The following ATXN2L variants were observed in gnomAD, a reference collection of about 807,000 sequenced individuals.
The protein encoded by ATXN2L is ataxin-2-like protein.
ATXN2L carries 24 observed loss-of-function variants against 120.7 expected under a neutral mutation model. The ratio of observed to expected loss-of-function variants is 0.20; its 90% CI spans 0.14 to 0.28. The LOEUF (loss-of-function observed/expected upper bound fraction) is 0.28, where lower values mean the gene tolerates loss of function less well. ATXN2L is among the 10% of genes least tolerant of loss of function. ATXN2L has a pLI of 1.00. For synonymous variants in ATXN2L, 653 were observed against 568.1 expected, an observed-to-expected ratio of 1.15 and a Z score of -2.13; for missense variants, 1,312 against 1,432.3, an observed-to-expected ratio of 0.92 and a Z score of 1.36.
rs1470894642 is a variant in ATXN2L at position 28,836,623 on chromosome 16, C to A, written c.*358C>A. The A allele has an allele frequency of 1.9e-6, 3 of 1,602,248 alleles. No homozygotes were observed. Among genetic ancestry groups the A allele is most frequent in the African/African-American group, 1.3e-5 (1 of 74,634 alleles). The stretch of plus-strand genomic sequence containing the variant: ...CCCCCGAGACACCTTGAGGAGGCCG[C>A]TCCTTCCCAGACACACCCCCACGCC... On this transcript the variant is annotated 3_prime_UTR_variant, in exon 22 of 22. Transcript: ENST00000336783.
In ATXN2L at chr16:28,823,566, G is replaced by A. The variant is rs867159676; in HGVS notation, c.299+8G>A. 8 of 1,333,960 alleles carry A rather than the reference G, an allele frequency of 6.0e-6. No individual in the cohort carries two copies. Among genetic ancestry groups the A allele is most frequent in the African/African-American group, 4.6e-5 (3 of 64,948 alleles). The allele number at this position is 1,333,960 out of a possible 1,614,324, so 82.6% of individuals were successfully genotyped here. The stretch of plus-strand genomic sequence containing the variant: ...CGCCATCGGCAGCGCCAGGTGAGAA[G>A]GGTGGGCTCCGGGCGAGGGAGCCGC... On this transcript the variant is annotated splice_region_variant and intron_variant, in intron 1 of 21. Coordinates refer to ENST00000336783, the MANE Select transcript of ATXN2L (RefSeq NM_007245.4).
chr16:28,829,216 TG>T (rs1179239363), intron 6 of ATXN2L, among the ~76,000 whole-genome samples, 184 bp from the exon 7 acceptor site: 1 of 152,184 alleles, frequency 6.6e-6, no homozygotes, highest in Non-Finnish European at 1.5e-5. Flanking sequence ...TTGCCCAGTC[TG>T]GCCTTAAACT....
intron 4 of ATXN2L, 47 bp from the exon 5 acceptor site, chr16:28,826,193 C>G (rs748066867): frequency 6.2e-7 from 1 of 1,601,474 alleles, no homozygotes. Context: ...TTTGCCTTCA[C>G]TTTTCTTGAA....
intron 8 of ATXN2L, among the ~76,000 whole-genome samples, 157 bp downstream of exon 8, chr16:28,830,215 C>T (rs892295009): frequency 6.6e-6 from 1 of 151,904 alleles, no homozygotes; most frequent in African/African-American, 2.4e-5. Flanking sequence ...ATGTAATTTG[C>T]CTAAAGTAAC....
intron 13 of ATXN2L, 45 bp from the exon 14 acceptor site, chr16:28,833,014 C>G (rs771334138): frequency 6.2e-7 from 1 of 1,600,614 alleles, no homozygotes; most frequent in Non-Finnish European, 8.5e-7. Flanking sequence ...AAAGCCAGGA[C>G]TAGGGTCTGG....
At chr16:28,823,793 A>C in intron 1 of ATXN2L, 2 of 410,378 alleles carry the variant, frequency 4.9e-6, no homozygotes, top group East Asian at 7.7e-5. Flanking sequence ...CAGGGCTCGC[A>C]GCCCCGGCCT....
chr16:28,826,399 C>T lies in ATXN2L; in HGVS notation c.616+9C>T. ...CAACTATGCTACTAAAGGTATTGTC[C>T]TAGGCTGTTACCTCAGACCTGCTCT... On this transcript the variant is annotated intron_variant, in intron 5 of 21. Transcript: ENST00000336783. 1.2e-6 allele frequency: 2 copies of T among 1,613,794 alleles called. No individual in the cohort carries two copies. Among genetic ancestry groups the T allele is most frequent in the Non-Finnish European group, 1.7e-6 (2 of 1,179,812 alleles).
In ATXN2L at chr16:28,834,526, T is replaced by A. The variant is rs1044510578; in HGVS notation, c.2266T>A (p.Ser756Thr). Reference protein sequence around the residue: ...GAKGSLPPQRSDQHQPASAPP... With the variant: ...GAKGSLPPQRTDQHQPASAPP... ...TCCAGGCTCCCTTCCTCCGCAGCGC[T>A]CGGACCAACACCAGCCAGCCTCAGC... The change falls in exon 18 of 22, where the codon TCG becomes ACG. Residue 756 changes from serine to threonine, a missense_variant. Transcript: ENST00000336783. 1 of 1,610,756 alleles carries A rather than the reference T, an allele frequency of 6.2e-7. No individual in the cohort carries two copies. The highest frequency in any genetic ancestry group is 8.5e-7 in the Non-Finnish European group (1 of 1,179,592).
intron 21 of ATXN2L, 22 bp from the exon 22 acceptor site, chr16:28,835,911 G>C (rs1359780429): frequency 1.3e-6 from 2 of 1,549,028 alleles, no homozygotes; most frequent in Admixed American, 3.8e-5. Flanking sequence ...GGTCTTCCCG[G>C]CTACTTTTTT....
intron 1 of ATXN2L, among the ~76,000 whole-genome samples, chr16:28,824,896 A>G (rs981081919): frequency 6.6e-6 from 1 of 152,018 alleles, no homozygotes; most frequent in Non-Finnish European, 1.5e-5. Flanking sequence ...TTCTTCCTCT[A>G]CAAGGTGACA....
rs775964657 is a variant in ATXN2L at position 28,829,424 on chromosome 16, A to C, written c.765A>C (p.Glu255Asp). The C allele has an allele frequency of 6.2e-7, 1 of 1,613,370 alleles. No homozygotes were observed. The highest frequency in any genetic ancestry group is 8.5e-7 in the Non-Finnish European group (1 of 1,179,374). Residue 255 changes from glutamate to aspartate, a missense_variant, in exon 7 of 22, where the codon GAA (glutamate) becomes GAC (aspartate). Coordinates refer to ENST00000336783, the MANE Select transcript of ATXN2L (RefSeq NM_007245.4). ...AGTCCAATGGATGGGACCCCAATGA[A>C]ATGTTCAAGTTCAATGAGGAGAACT... The part of the protein sequence containing the change: ...SDMSNGWDPN[E>D]MFKFNEENYG...
intron 4 of ATXN2L, 29 bp downstream of exon 4, chr16:28,825,870 G>A (rs1369142336): frequency 1.3e-6 from 2 of 1,591,126 alleles, no homozygotes; most frequent in Non-Finnish European, 8.6e-7. Context: ...AATTATTTTT[G>A]GAGTTGCAGA....
In ATXN2L at chr16:28,834,897, A is replaced by G. The variant is rs1174850960; in HGVS notation, c.2434-161A>G. 3.4e-6 allele frequency: 4 copies of G among 1,174,508 alleles called. No homozygotes were observed. The East Asian group carries it at 1.0e-4, about 30-fold the overall frequency. 72.8% of individuals were successfully genotyped at this position (1,174,508 alleles called of 1,614,324 possible). Reference sequence around the variant, plus strand: ...AGGCATTGGACATCTGTATCTCTGAAGTGTAGAGAAAATAGTGTCTGCTGG... The same window carrying G: ...AGGCATTGGACATCTGTATCTCTGAGGTGTAGAGAAAATAGTGTCTGCTGG... On this transcript the variant is annotated intron_variant, in intron 18 of 21. Transcript: ENST00000336783.
At chr16:28,826,420 G>T (rs755634610) in intron 5 of ATXN2L, 30 bp downstream of exon 5, 9 of 1,609,288 alleles carry the variant, frequency 5.6e-6, no homozygotes, top group Non-Finnish European at 7.7e-6. Flanking sequence ...CCTCAGACCT[G>T]CTCTGTGTGC....
rs1258401114 is a variant in ATXN2L at position 28,836,734 on chromosome 16, C to A, written c.*469C>A. ...CTCTTTCCCCTCCAACCAGTTCAATCTCATCCCTCCCAGCAGCTCCCCTTC... is the reference window on the plus strand; with the variant it reads ...CTCTTTCCCCTCCAACCAGTTCAATATCATCCCTCCCAGCAGCTCCCCTTC... On this transcript the variant is annotated 3_prime_UTR_variant, in exon 22 of 22. Coordinates refer to ENST00000336783, the MANE Select transcript of ATXN2L (RefSeq NM_007245.4). 2 of 1,613,924 alleles carry A rather than the reference C, an allele frequency of 1.2e-6. No homozygotes were observed. The highest frequency in any genetic ancestry group is 3.3e-5 in the Admixed American group (2 of 59,978).
intron 1 of ATXN2L, chr16:28,824,488 G>A (rs992023480): frequency 7.8e-7 from 1 of 1,288,140 alleles, no homozygotes; most frequent in African/African-American, 1.5e-5. Context: ...CTCAACCGCC[G>A]GTTACATCAG....
intron 9 of ATXN2L, 72 bp from the exon 10 acceptor site, chr16:28,830,890 A>T: frequency 6.7e-7 from 1 of 1,486,740 alleles, no homozygotes; most frequent in Non-Finnish European, 9.1e-7. Flanking sequence ...ATGACGCTGC[A>T]TCGGTGGGAA....
intron 1 of ATXN2L, 73 bp from the exon 2 acceptor site, chr16:28,825,293 G>T (rs2051445910): frequency 2.1e-6 from 3 of 1,399,988 alleles, no homozygotes; most frequent in African/African-American, 2.9e-5. Context: ...ATACTTCTAG[G>T]ATTTAACATT....
intron 7 of ATXN2L, 160 bp downstream of exon 7, chr16:28,829,652 G>A: frequency 1.3e-6 from 1 of 768,584 alleles, no homozygotes; most frequent in Non-Finnish European, 2.1e-6. Context: ...TCCCTCAAAG[G>A]TTTTAAGCGT....
Sources: allele counts gnomAD v4.1 joint callset (sites outside exome capture counted in the v4.1 genomes callset), GRCh38; gene constraint gnomAD v4.1.1; transcripts MANE v1.5; gene names NCBI Gene and HGNC (gene_info 2026-07-23, HGNC 2026-07-21).